Variants in MPHOSPH6 observed in about 807,000 individuals in gnomAD.
MPHOSPH6 encodes M-phase phosphoprotein 6.
MPHOSPH6 carries 25 observed loss-of-function variants against 21.8 expected under a neutral mutation model. The observed-to-expected ratio is 1.15, with a 90% CI of 0.83 to 1.60. The LOEUF is 1.60. Among genes scored for constraint, MPHOSPH6 ranks in the 40% most tolerant of loss-of-function variants. The pLI is 0.00. For missense variants in MPHOSPH6, 269 were observed against 181.8 expected, an observed-to-expected ratio of 1.48 and a Z score of -2.76; for synonymous variants, 84 against 56.5, an observed-to-expected ratio of 1.49 and a Z score of -2.18.
At chr16:82,158,142 G>A (rs529922421) in intron 2 of MPHOSPH6, among the ~76,000 whole-genome samples, 7 of 151,982 alleles carry the variant, frequency 4.6e-5, no homozygotes, top group Non-Finnish European at 7.4e-5. Flanking sequence ...GTTAATCTTA[G>A]CCCTCAATTA....
intron 1 of MPHOSPH6, among the ~76,000 whole-genome samples, chr16:82,169,184 A>G (rs940519784): frequency 6.6e-6 from 1 of 152,200 alleles, no homozygotes; most frequent in African/African-American, 2.4e-5. Context: ...AATAAAGGAA[A>G]ATATCTTTAA....
intron 2 of MPHOSPH6, among the ~76,000 whole-genome samples, chr16:82,153,945 A>C (rs763229291): frequency 1.3e-5 from 2 of 152,170 alleles, no homozygotes; most frequent in Non-Finnish European, 2.9e-5. Context: ...CCTCCTTATA[A>C]GGAAAAGTGA....
rs370786041 is a variant in MPHOSPH6, at chr16:82,151,467, A to T, written c.212T>A (p.Leu71His). ...TCCTCTGAATGACATTCTTCCATAG[A>T]GAAGATCTTCACATAGTAAGAAACT... ...EQSFLLCEDL[L>H]YGRMSFRGFN... is the part of the protein sequence containing the mutation. Residue 71 changes from leucine (L) to histidine (H), a missense_variant, in exon 3 of 5, where the codon CTC becomes CAC. By Grantham distance (99) the Leu-to-His change is moderately conservative. Coordinates refer to ENST00000258169, the MANE Select transcript of MPHOSPH6 (RefSeq NM_005792.2). 28 of 1,607,070 alleles carry T rather than the reference A, an allele frequency of 1.7e-5. No individual in the cohort carries two copies. In the East Asian group the frequency reaches 5.6e-4, roughly 32 times the overall value.
Position 82,157,409 on chromosome 16 carries a change from T to C in MPHOSPH6, c.165-5895A>G, listed in dbSNP as rs940931331. ...TAAGCACATATTGCACAATTCCTTT[T>C]TTATGAAGTTCAAGAACAGACAAAA... On this transcript the variant is annotated intron_variant, in intron 2 of 4. Coordinates refer to ENST00000258169, the MANE Select transcript of MPHOSPH6 (RefSeq NM_005792.2). Among the ~76,000 whole-genome samples, 41 of 152,234 alleles carry C rather than the reference T, an allele frequency of 2.7e-4. 1 individual carries two copies. The highest frequency in any genetic ancestry group is 7.3e-5 in the Non-Finnish European group (5 of 68,040).
intron 2 of MPHOSPH6, among the ~76,000 whole-genome samples, chr16:82,158,864 A>C (rs1381425641): frequency 6.6e-6 from 1 of 152,260 alleles, no homozygotes; most frequent in East Asian, 1.9e-4. Context: ...ATTGTATAAC[A>C]AGATGAGTTA....
intron 1 of MPHOSPH6, among the ~76,000 whole-genome samples, chr16:82,167,362 A>C (rs575569719): frequency 1.3e-5 from 2 of 152,326 alleles, no homozygotes; most frequent in Non-Finnish European, 2.9e-5. Context: ...ACTTGCCTAA[A>C]AAGTGGTCCC....
intron 2 of MPHOSPH6, among the ~76,000 whole-genome samples, chr16:82,159,352 A>G (rs1299398024): frequency 6.6e-6 from 1 of 152,246 alleles, no homozygotes; most frequent in African/African-American, 2.4e-5. Context: ...AAAATTTCTT[A>G]CATAGTAAAT....
intron 3 of MPHOSPH6, 155 bp downstream of exon 3, chr16:82,151,269 A>G (rs1007943231): frequency 1.8e-6 from 2 of 1,107,466 alleles, no homozygotes; most frequent in African/African-American, 1.6e-5. Context: ...CAATGCCTCC[A>G]ATTTCTTTAA....
chr16:82,155,606 T>A (rs1336173757), intron 2 of MPHOSPH6, among the ~76,000 whole-genome samples: 1 of 151,902 alleles, frequency 6.6e-6, no homozygotes, highest in African/African-American at 2.4e-5. Flanking sequence ...GCAAAGAAAA[T>A]TTTTTCAATA....
At chr16:82,158,412 T>C (rs1161677780) in intron 2 of MPHOSPH6, among the ~76,000 whole-genome samples, 2 of 141,310 alleles carry the variant, frequency 1.4e-5, no homozygotes, top group African/African-American at 5.3e-5. Flanking sequence ...GGCAGCAGAA[T>C]GGTGTGAACC....
chr16:82,156,218 A>G (rs1347092055), intron 2 of MPHOSPH6, among the ~76,000 whole-genome samples: 1 of 152,202 alleles, frequency 6.6e-6, no homozygotes. Flanking sequence ...ACTTGTATTC[A>G]GAACATAAAT....
chr16:82,162,053 T>C (rs943749974), intron 2 of MPHOSPH6, among the ~76,000 whole-genome samples: 4 of 152,212 alleles, frequency 2.6e-5, no homozygotes, highest in Non-Finnish European at 5.9e-5. Flanking sequence ...TATTCAGATA[T>C]AAGGAAATAC....
intron 2 of MPHOSPH6, 63 bp from the exon 3 acceptor site, chr16:82,151,577 CTT>C: frequency 6.7e-7 from 1 of 1,482,536 alleles, no homozygotes; most frequent in South Asian, 1.5e-5. Context: ...AAAGCCAACA[CTT>C]TGAATAAAAA....
chr16:82,153,522 A>C (rs1906334230), intron 2 of MPHOSPH6, among the ~76,000 whole-genome samples: 1 of 152,144 alleles, frequency 6.6e-6, no homozygotes, highest in South Asian at 2.1e-4. Context: ...AAACTGTTTC[A>C]TTGGGGCTTT....
intron 2 of MPHOSPH6, among the ~76,000 whole-genome samples, chr16:82,152,542 C>T (rs1321306445): frequency 1.3e-5 from 2 of 152,136 alleles, no homozygotes; most frequent in African/African-American, 4.8e-5. Context: ...TACTGGGCAT[C>T]TCAGAATCAC....
chr16:82,158,402 G>C (rs952486739), intron 2 of MPHOSPH6, among the ~76,000 whole-genome samples: 7 of 150,928 alleles, frequency 4.6e-5, no homozygotes, highest in African/African-American at 9.8e-5. Context: ...TGGAGGCTGA[G>C]GCAGCAGAAT....
intron 1 of MPHOSPH6, among the ~76,000 whole-genome samples, chr16:82,167,805 G>A (rs542876374): frequency 5.9e-5 from 9 of 152,286 alleles, no homozygotes; most frequent in Middle Eastern, 3.4e-3. Flanking sequence ...AGTTTCGCTC[G>A]CTTGCCTGCC....
chr16:82,161,717 A>G (rs1449469407), intron 2 of MPHOSPH6, among the ~76,000 whole-genome samples: 1 of 152,208 alleles, frequency 6.6e-6, no homozygotes, highest in Non-Finnish European at 1.5e-5. Flanking sequence ...ATGTGGCTAC[A>G]CTAAGGCCTC....
intron 2 of MPHOSPH6, among the ~76,000 whole-genome samples, chr16:82,163,311 T>C (rs1356319276): frequency 6.6e-6 from 1 of 152,196 alleles, no homozygotes; most frequent in Non-Finnish European, 1.5e-5. Flanking sequence ...GTGAGGAAAG[T>C]ATCAGGGAAA....
Sources: allele counts gnomAD v4.1 joint callset (sites outside exome capture counted in the v4.1 genomes callset), GRCh38; gene constraint gnomAD v4.1.1; transcripts MANE v1.5; gene names NCBI Gene and HGNC (gene_info 2026-07-23, HGNC 2026-07-21).